The following DLG2 variants were observed in gnomAD, a reference collection of about 807,000 sequenced individuals.
The protein encoded by DLG2 is disks large homolog 2.
A neutral mutation model predicts 132.5 loss-of-function variants in DLG2; 45 were observed. The ratio of observed to expected loss-of-function variants is 0.34; its 90% confidence interval spans 0.27 to 0.44. DLG2 has a LOEUF of 0.44. Ranked by LOEUF, DLG2 falls within the 20% of genes least tolerant of loss-of-function variation. The pLI is 1.00. For missense variants in DLG2, 1,045 were observed against 1,196.9 expected (o/e 0.87, Z 1.87); for synonymous variants, 424 against 419.6 (o/e 1.01, Z -0.13).
chr11:84,420,879 A>G (rs2098948267), intron 7 of DLG2, among the ~76,000 whole-genome samples: 2 of 151,760 alleles, frequency 1.3e-5, no homozygotes, highest in Non-Finnish European at 1.5e-5. Context: ...CGTTTTAGCC[A>G]GGATGGTCTC....
At chr11:84,828,273 G>T (rs1185474312) in intron 6 of DLG2, among the ~76,000 whole-genome samples, 1 of 151,714 alleles carries the variant, frequency 6.6e-6, no homozygotes, top group East Asian at 2.0e-4. Context: ...GTTCAGTGAG[G>T]AATTTTGTAA....
intron 11 of DLG2, among the ~76,000 whole-genome samples, chr11:84,022,486 T>G (rs1024265611): frequency 2.6e-5 from 4 of 152,164 alleles, no homozygotes; most frequent in African/African-American, 9.7e-5. Context: ...AGGGCTCTCT[T>G]CTATAGAAAC....
chr11:85,025,571 A>G (rs1475936161), intron 6 of DLG2, among the ~76,000 whole-genome samples: 1 of 152,206 alleles, frequency 6.6e-6, no homozygotes, highest in Non-Finnish European at 1.5e-5. Flanking sequence ...ACTTAATATA[A>G]TTAAAATGCC....
intron 10 of DLG2, among the ~76,000 whole-genome samples, chr11:84,059,693 A>C (rs1323490540): frequency 6.6e-6 from 1 of 152,172 alleles, no homozygotes; most frequent in Non-Finnish European, 1.5e-5. Context: ...ACCACTTTTG[A>C]CCATACTACT....
chr11:83,980,554 T>G lies in DLG2; in HGVS notation c.1008A>C (p.Gly336=). ...SIYVTKIIDG[G]AAQKDGRLQV... ...GCAACCTTCCATCTTTTTGTGCAGC[T>G]CCTCCATCTATAATTTTAGTTACAT... Residue 336 remains glycine, a synonymous_variant, in exon 12 of 28, where the codon GGA becomes GGC. Transcript: ENST00000376104. The G allele has an allele frequency of 3.1e-6, 5 of 1,613,844 alleles. No homozygotes were observed. The highest frequency in any genetic ancestry group is 4.2e-6 in the Non-Finnish European group (5 of 1,179,852).
intron 3 of DLG2, among the ~76,000 whole-genome samples, chr11:85,402,021 C>T (rs1033892179): frequency 4.6e-5 from 7 of 151,940 alleles, no homozygotes; most frequent in African/African-American, 1.7e-4. Context: ...CAAAAAAGAG[C>T]CCACATAGCT....
chr11:83,492,699 C>T (rs185213391), intron 21 of DLG2, among the ~76,000 whole-genome samples: 2 of 152,176 alleles, frequency 1.3e-5, no homozygotes, highest in East Asian at 1.9e-4. Context: ...GGACGCCTCT[C>T]TTTCTCTCAT....
rs546583049 is a variant in DLG2, at chr11:84,545,105, C to T, written c.358-10374G>A. The stretch of plus-strand genomic sequence containing the variant: ...GCTTCCCTGTCACTTCTCTCTCTCA[C>T]GCTAAGCTTTGTTTCTTTGCAGTAA... On this transcript the variant is annotated intron_variant, in intron 6 of 27. Coordinates refer to ENST00000376104, the MANE Select transcript of DLG2 (RefSeq NM_001142699.3). 12 of 452,302 alleles carry T rather than the reference C, an allele frequency of 2.7e-5. 1 individual carries two copies. Among genetic ancestry groups the T allele is most frequent in the South Asian group, 9.4e-5 (6 of 63,586 alleles). 28.0% of individuals were successfully genotyped at this position (452,302 alleles called of 1,614,324 possible). A position where few individuals can be genotyped will look rare whatever the true frequency, so the allele number is the denominator to read the frequency against.
intron 11 of DLG2, among the ~76,000 whole-genome samples, chr11:84,026,688 C>T (rs781642997): frequency 2.0e-5 from 3 of 152,058 alleles, no homozygotes; most frequent in Non-Finnish European, 4.4e-5. Flanking sequence ...ACACACTTAA[C>T]CTTCCCCACT....
chr11:83,752,402 T>C (rs926630296), intron 18 of DLG2, among the ~76,000 whole-genome samples: 11 of 152,074 alleles, frequency 7.2e-5, no homozygotes, highest in Non-Finnish European at 1.5e-4. Context: ...AGGAAAATCA[T>C]CCAAGTATGA....
chr11:85,208,303 G>A (rs1438548252), intron 4 of DLG2, among the ~76,000 whole-genome samples: 2 of 152,130 alleles, frequency 1.3e-5, no homozygotes, highest in Non-Finnish European at 2.9e-5. Context: ...AATGAATGAT[G>A]ACTGTGACAA....
At chr11:83,494,553 CTT>C (rs751725594) in intron 21 of DLG2, among the ~76,000 whole-genome samples, 29 of 134,808 alleles carry the variant, frequency 2.2e-4, no homozygotes, top group Admixed American at 6.8e-4. Flanking sequence ...CTGCCTATTT[CTT>C]TTTTTTTTTT....
At chr11:84,847,019 G>A (rs1405024359) in intron 6 of DLG2, among the ~76,000 whole-genome samples, 1 of 152,030 alleles carries the variant, frequency 6.6e-6, no homozygotes, top group Non-Finnish European at 1.5e-5. Context: ...TGTCAATTTA[G>A]AGACCCTCAG....
chr11:84,905,478 T>C (rs984018891), intron 6 of DLG2, among the ~76,000 whole-genome samples: 2 of 152,190 alleles, frequency 1.3e-5, no homozygotes, highest in Non-Finnish European at 2.9e-5. Flanking sequence ...AAAATAGATT[T>C]TCTCTTTTTT....
chr11:85,488,762 G>A (rs529106527), intron 3 of DLG2, among the ~76,000 whole-genome samples: 49 of 152,244 alleles, frequency 3.2e-4, no homozygotes, highest in African/African-American at 9.9e-4. Flanking sequence ...CAAGATTAAT[G>A]TTCATAAATG....
At chr11:85,378,939 G>A (rs867480084) in intron 3 of DLG2, among the ~76,000 whole-genome samples, 1 of 151,940 alleles carries the variant, frequency 6.6e-6, no homozygotes, top group East Asian at 1.9e-4. Context: ...TTCAAGTTAC[G>A]AGCTCTAATT....
intron 8 of DLG2, among the ~76,000 whole-genome samples, chr11:84,249,103 C>G (rs1025745604): frequency 1.3e-5 from 2 of 152,172 alleles, no homozygotes; most frequent in Non-Finnish European, 2.9e-5. Flanking sequence ...CACCAGAACC[C>G]TAATAGGAGG....
chr11:85,396,161 C>A (rs1412952818), intron 3 of DLG2, among the ~76,000 whole-genome samples: 1 of 152,192 alleles, frequency 6.6e-6, no homozygotes, highest in East Asian at 1.9e-4. Flanking sequence ...CAAACTCCAA[C>A]AGACCTGCAG....
At chr11:84,242,552 T>C (rs558656309) in intron 8 of DLG2, among the ~76,000 whole-genome samples, 10 of 152,046 alleles carry the variant, frequency 6.6e-5, no homozygotes, top group African/African-American at 2.4e-4. Context: ...ATTACAGGTG[T>C]CTGCCACTGT....
Sources: allele counts gnomAD v4.1 joint callset (sites outside exome capture counted in the v4.1 genomes callset), GRCh38; gene constraint gnomAD v4.1.1; transcripts MANE v1.5; gene names NCBI Gene and HGNC (gene_info 2026-07-23, HGNC 2026-07-21).